HELLS: variants seen among roughly 807,000 people sequenced by gnomAD.
The protein encoded by HELLS is lymphoid-specific helicase.
HELLS carries 32 observed loss-of-function variants against 120.0 expected under a neutral mutation model. The observed-to-expected ratio is 0.27, with a 90% CI of 0.20 to 0.36. The LOEUF (loss-of-function observed/expected upper bound fraction) is 0.36. HELLS is among the 10% of genes least tolerant of loss of function. HELLS has a pLI of 1.00. For missense variants in HELLS, 650 were observed against 993.4 expected (o/e 0.65, Z 4.65); for synonymous variants, 341 against 323.4 (o/e 1.05, Z -0.58).
Position 94,555,293 on chromosome 10 carries a change from C to T in HELLS, c.276+1045C>T, listed in dbSNP as rs536657782. 1.4e-4 allele frequency among the ~76,000 whole-genome samples: 21 copies of T among 151,892 alleles called. No homozygotes were observed. The East Asian group carries it at 1.9e-3, about 14-fold the overall frequency. Reference sequence around the variant, plus strand: ...CTCTACCAAAAATATAAAAATTAGCCGGTCATGGTGGTGTGTGCCTGTAAG... The same window carrying T: ...CTCTACCAAAAATATAAAAATTAGCTGGTCATGGTGGTGTGTGCCTGTAAG... On this transcript the variant is annotated intron_variant, in intron 3 of 21. Coordinates refer to ENST00000348459, the MANE Select transcript of HELLS (RefSeq NM_018063.5).
At chr10:94,592,587 C>G in intron 17 of HELLS, 73 bp downstream of exon 17, 3 of 964,156 alleles carry the variant, frequency 3.1e-6, no homozygotes, top group Non-Finnish European at 4.3e-6. Flanking sequence ...AGTAATATTC[C>G]AAATAGACCC....
intron 21 of HELLS, among the ~76,000 whole-genome samples, chr10:94,598,905 T>A (rs1444249632): frequency 6.6e-6 from 1 of 152,188 alleles, no homozygotes; most frequent in Non-Finnish European, 1.5e-5. Flanking sequence ...AATATTAATT[T>A]GTTAAAAAGA....
intron 12 of HELLS, among the ~76,000 whole-genome samples, chr10:94,586,195 A>G (rs1373941243): frequency 3.3e-5 from 5 of 151,942 alleles, no homozygotes; most frequent in African/African-American, 1.2e-4. Flanking sequence ...ATCTCGGCTC[A>G]CTGCAAGCTG....
At chr10:94,598,213 G>A (rs1373500608) in intron 21 of HELLS, among the ~76,000 whole-genome samples, 1 of 151,906 alleles carries the variant, frequency 6.6e-6, no homozygotes, top group Non-Finnish European at 1.5e-5. Context: ...TTTCCCAACT[G>A]TATTCCGTGA....
At chr10:94,561,423 A>AT (rs1315951884) in intron 4 of HELLS, among the ~76,000 whole-genome samples, 3 of 151,898 alleles carry the variant, frequency 2.0e-5, no homozygotes, top group Non-Finnish European at 4.4e-5. Context: ...CAGGGTTTTG[A>AT]TTTTTTTCCC....
chr10:94,579,255 C>T (rs1231420313), intron 10 of HELLS, among the ~76,000 whole-genome samples: 1 of 135,154 alleles, frequency 7.4e-6, no homozygotes, highest in African/African-American at 2.9e-5. Flanking sequence ...GGCTGGAGTT[C>T]AGTGGCGCGA....
At position 94,593,357 on chromosome 10, in the gene HELLS, A is replaced by G. The variant is rs943159237; in HGVS notation, c.1972-142A>G. ...AGCTAACAGCACAGGTTTTGTTAACATAATTGTTTTATAGATCTGAATGAT... is the reference window on the plus strand; with the variant it reads ...AGCTAACAGCACAGGTTTTGTTAACGTAATTGTTTTATAGATCTGAATGAT... On this transcript the variant is annotated intron_variant, in intron 17 of 21. Coordinates refer to ENST00000348459, the MANE Select transcript of HELLS (RefSeq NM_018063.5). 7 of 580,574 alleles carry G rather than the reference A, an allele frequency of 1.2e-5. No homozygotes were observed. In the African/African-American group the frequency reaches 1.3e-4, roughly 11 times the overall value. 36.0% of individuals were successfully genotyped at this position (580,574 alleles called of 1,614,324 possible).
At chr10:94,590,266 A>G (rs534660933) in intron 13 of HELLS, 147 bp from the exon 14 acceptor site, 1 of 683,036 alleles carries the variant, frequency 1.5e-6, no homozygotes, top group African/African-American at 1.8e-5. Context: ...ATTGTTGTCC[A>G]TGTTAAAATT....
chr10:94,598,546 G>T (rs1024213866), intron 21 of HELLS, among the ~76,000 whole-genome samples: 1 of 148,712 alleles, frequency 6.7e-6, no homozygotes, highest in Non-Finnish European at 1.5e-5. Flanking sequence ...CAAATATGTT[G>T]TTCATTTTAA....
rs901123780 is a variant in HELLS, at chr10:94,558,338, A to T, written c.333+143A>T. The T allele has an allele frequency of 4.9e-6, 5 of 1,023,648 alleles. No individual in the cohort carries two copies. In the African/African-American group the frequency reaches 6.8e-5, roughly 14 times the overall value. 63.4% of individuals were successfully genotyped at this position (1,023,648 alleles called of 1,614,324 possible). On this transcript the variant is annotated intron_variant, in intron 4 of 21. Coordinates refer to ENST00000348459, the MANE Select transcript of HELLS (RefSeq NM_018063.5). ...ACTTTGTTACAAGCAATGCAGAAAC[A>T]TGTAAAATCTGTTCCTCACTATTTA...
At chr10:94,588,204 T>A (rs1845277745) in intron 12 of HELLS, 25 bp from the exon 13 acceptor site, 4 of 1,439,950 alleles carry the variant, frequency 2.8e-6, no homozygotes, top group South Asian at 1.2e-5. Flanking sequence ...ATACTCATAT[T>A]TTTCTGTTCA....
intron 19 of HELLS, among the ~76,000 whole-genome samples, chr10:94,595,769 T>C (rs1478316613): frequency 6.6e-6 from 1 of 152,174 alleles, no homozygotes; most frequent in Non-Finnish European, 1.5e-5. Flanking sequence ...CCTGAAGAAA[T>C]GTTGAAAATC....
At chr10:94,600,616 T>A (rs1246100855) in intron 21 of HELLS, among the ~76,000 whole-genome samples, 1 of 152,094 alleles carries the variant, frequency 6.6e-6, no homozygotes, top group East Asian at 1.9e-4. Context: ...GAAATAGTAA[T>A]TAATAGGGGA....
chr10:94,600,201 G>T (rs1845959377), intron 21 of HELLS, among the ~76,000 whole-genome samples: 2 of 151,646 alleles, frequency 1.3e-5, no homozygotes, highest in African/African-American at 4.8e-5. Context: ...TGAGGCAGGA[G>T]AATTGCTAGA....
chr10:94,582,960 C>T lies in HELLS; in HGVS notation c.1230-3C>T. Reference sequence around the variant, plus strand: ...GGTTAACTTAAACATTTTTCTCTTCCAGCTTTGAGTCTTGGTTTGACATCA... The same window carrying T: ...GGTTAACTTAAACATTTTTCTCTTCTAGCTTTGAGTCTTGGTTTGACATCA... On this transcript the variant is annotated splice_region_variant and splice_polypyrimidine_tract_variant and intron_variant, in intron 11 of 21. Transcript: ENST00000348459. The T allele has an allele frequency of 6.4e-7, 1 of 1,553,730 alleles. No homozygotes were observed. Among genetic ancestry groups the T allele is most frequent in the South Asian group, 1.2e-5 (1 of 84,192 alleles).
At chr10:94,561,208 G>A (rs1843540885) in intron 4 of HELLS, among the ~76,000 whole-genome samples, 1 of 152,004 alleles carries the variant, frequency 6.6e-6, no homozygotes, top group Admixed American at 6.6e-5. Context: ...CTTGGCTTAA[G>A]CTATCCCCCA....
At chr10:94,585,802 G>A (rs1845114580) in intron 12 of HELLS, among the ~76,000 whole-genome samples, 1 of 151,872 alleles carries the variant, frequency 6.6e-6, no homozygotes, top group Non-Finnish European at 1.5e-5. Context: ...CATACTCCTG[G>A]GTTCAAGTGA....
At chr10:94,588,486 C>A in intron 13 of HELLS, 96 bp downstream of exon 13, 1 of 898,122 alleles carries the variant, frequency 1.1e-6, no homozygotes. Context: ...CTCTGTCACC[C>A]AGGCTGTGGT....
In HELLS at chr10:94,581,309, C is replaced by T. The variant is rs760224368; in HGVS notation, c.1033-17C>T. Reference sequence around the variant, plus strand: ...AGATCATTGTTTAAAAATCTTTTTCCTCAATTCGTTTTCTAGCATTGCTAT... The same window carrying T: ...AGATCATTGTTTAAAAATCTTTTTCTTCAATTCGTTTTCTAGCATTGCTAT... On this transcript the variant is annotated splice_polypyrimidine_tract_variant and intron_variant, in intron 10 of 21. Transcript: ENST00000348459. 47 of 1,456,374 alleles carry T rather than the reference C, an allele frequency of 3.2e-5. No homozygotes were observed. The highest frequency in any genetic ancestry group is 4.2e-5 in the Non-Finnish European group (45 of 1,083,926). 90.2% of individuals were successfully genotyped at this position (1,456,374 alleles called of 1,614,324 possible). A position where few individuals can be genotyped will look rare whatever the true frequency, so the allele number is the denominator to read the frequency against.
Sources: allele counts gnomAD v4.1 joint callset (sites outside exome capture counted in the v4.1 genomes callset), GRCh38; gene constraint gnomAD v4.1.1; transcripts MANE v1.5; gene names NCBI Gene and HGNC (gene_info 2026-07-23, HGNC 2026-07-21).